Variants in CUX1 observed in about 807,000 individuals in gnomAD.
CUX1 encodes the protein protein CASP.
A neutral mutation model predicts 158.8 loss-of-function variants in CUX1; 31 were observed. The observed-to-expected ratio is 0.20, with a 90% CI of 0.15 to 0.26. The LOEUF is 0.26. Among genes scored for constraint, CUX1 ranks in the 10% least tolerant of loss-of-function variants. The pLI is 1.00. For synonymous variants in CUX1, 879 were observed against 862.1 expected (o/e 1.02, Z -0.34); for missense variants, 1,589 against 2,014.6 (o/e 0.79, Z 4.04).
intron 2 of CUX1, among the ~76,000 whole-genome samples, chr7:101,924,687 T>C (rs781507026): frequency 1.8e-4 from 28 of 151,618 alleles, no homozygotes; most frequent in Non-Finnish European, 3.8e-4. Flanking sequence ...CACCTCAGCC[T>C]CCCGAGTAGC....
intron 1 of CUX1, among the ~76,000 whole-genome samples, chr7:101,851,605 G>T (rs968880645): frequency 6.6e-6 from 1 of 152,122 alleles, no homozygotes; most frequent in South Asian, 2.1e-4. Context: ...TTGGCTCCCC[G>T]TTTTCTAGCA....
chr7:101,851,951 C>A (rs1796306908), intron 1 of CUX1, among the ~76,000 whole-genome samples: 1 of 151,890 alleles, frequency 6.6e-6, no homozygotes, highest in Non-Finnish European at 1.5e-5. Flanking sequence ...GCCTCAGCCT[C>A]CCCAGTAGCT....
At chr7:102,058,401 G>C (rs1057034507) in intron 3 of CUX1, among the ~76,000 whole-genome samples, 12 of 151,914 alleles carry the variant, frequency 7.9e-5, no homozygotes, top group Non-Finnish European at 1.3e-4. Flanking sequence ...AGCCTCCCGA[G>C]TAGCTGGAAT....
intron 3 of CUX1, among the ~76,000 whole-genome samples, chr7:102,060,815 T>C (rs1040551354): frequency 6.6e-6 from 1 of 151,576 alleles, no homozygotes; most frequent in Non-Finnish European, 1.5e-5. Context: ...GGTTTCACCA[T>C]GTTGGCCAGG....
At chr7:102,148,442 G>A (rs1434901988) in intron 8 of CUX1, among the ~76,000 whole-genome samples, 1 of 151,888 alleles carries the variant, frequency 6.6e-6, no homozygotes, top group African/African-American at 2.4e-5. Context: ...GGGAGGCTGG[G>A]GCATTCTCAA....
chr7:102,167,852 T>C (rs115187849), intron 9 of CUX1, among the ~76,000 whole-genome samples: 9,887 of 151,894 alleles, frequency 0.065, 438 homozygotes, highest in African/African-American at 0.12. Flanking sequence ...GGCCAAGGCA[T>C]GGATCACCTG....
intron 2 of CUX1, among the ~76,000 whole-genome samples, chr7:101,920,708 G>A (rs1804815244): frequency 6.6e-6 from 1 of 152,200 alleles, no homozygotes; most frequent in African/African-American, 2.4e-5. Context: ...AGATAAAATT[G>A]TATACGTTTT....
At chr7:102,003,696 G>A (rs1816989886) in intron 2 of CUX1, among the ~76,000 whole-genome samples, 2 of 152,186 alleles carry the variant, frequency 1.3e-5, no homozygotes, top group Non-Finnish European at 2.9e-5. Context: ...AGCCTCGTAG[G>A]TTGCTATGGG....
At chr7:102,151,727 C>CAAAAAAAAA (rs1159017025) in intron 8 of CUX1, among the ~76,000 whole-genome samples, 1 of 38,876 alleles carries the variant, frequency 2.6e-5, no homozygotes, top group Non-Finnish European at 4.5e-5. Flanking sequence ...GACTCTGTCT[C>CAAAAAAAAA]AAAAAAAAAA....
chr7:102,116,361 C>A (rs1554491793), intron 8 of CUX1, among the ~76,000 whole-genome samples: 2 of 152,144 alleles, frequency 1.3e-5, no homozygotes, highest in African/African-American at 4.8e-5. Context: ...ATGAAACTTA[C>A]AAAGACTAAA....
At chr7:102,236,078 C>A (rs560937316) in intron 22 of CUX1, among the ~76,000 whole-genome samples, 9 of 152,234 alleles carry the variant, frequency 5.9e-5, no homozygotes, top group Non-Finnish European at 1.2e-4. Flanking sequence ...CCAGGAAATA[C>A]GAACCTCGGT....
intron 1 of CUX1, among the ~76,000 whole-genome samples, chr7:101,873,633 G>C (rs993103755): frequency 2.0e-5 from 3 of 152,162 alleles, no homozygotes; most frequent in African/African-American, 4.8e-5. Context: ...TTGTGAGACA[G>C]AGTGCAGTGG....
At chr7:102,079,440 A>G (rs1176035108) in intron 4 of CUX1, among the ~76,000 whole-genome samples, 2 of 151,856 alleles carry the variant, frequency 1.3e-5, no homozygotes, top group South Asian at 2.1e-4. Context: ...TCTGTCTCAA[A>G]AAAAAAAAAA....
intron 5 of CUX1, among the ~76,000 whole-genome samples, chr7:102,098,695 G>A (rs529846293): frequency 1.2e-3 from 180 of 150,724 alleles, no homozygotes; most frequent in African/African-American, 4.3e-3. Context: ...AGGCTGGAGT[G>A]CAGTGCACGA....
chr7:102,279,481 C>T (rs955861875), intron 18 of CUX1, among the ~76,000 whole-genome samples: 3 of 152,218 alleles, frequency 2.0e-5, no homozygotes, highest in Admixed American at 1.3e-4. Context: ...TCTCAGCCCC[C>T]AGGCCTCCCA....
chr7:102,274,321 G>T, intron 16 of CUX1: 2 of 1,611,050 alleles, frequency 1.2e-6, no homozygotes, highest in Non-Finnish European at 8.5e-7. Flanking sequence ...GTAAGGAGAG[G>T]CCTGACCCAT....
intron 3 of CUX1, among the ~76,000 whole-genome samples, chr7:102,042,405 G>A (rs1044304577): frequency 2.0e-5 from 3 of 152,166 alleles, no homozygotes; most frequent in Admixed American, 1.3e-4. Context: ...CTTTCTCCTG[G>A]TAACAAGTTC....
chr7:102,201,088 G>A lies in CUX1; in HGVS notation c.2063-272G>A, dbSNP rs1313718925. On this transcript the variant is annotated intron_variant, in intron 17 of 23. Coordinates refer to ENST00000292535, the MANE Select transcript of CUX1 (RefSeq NM_181552.4). This position sits in a 1 kb window ranked among gnomAD's most constrained non-coding sequence, Gnocchi z 5.0. Reference sequence around the variant, plus strand: ...GAAAGGAGCCCCAGGAGGGCAGGTCGGGGAGCACTTTCACTGACACCCCCT... The same window carrying A: ...GAAAGGAGCCCCAGGAGGGCAGGTCAGGGAGCACTTTCACTGACACCCCCT... Among the ~76,000 whole-genome samples the A allele has an allele frequency of 3.3e-5, 5 of 150,276 alleles. No individual in the cohort carries two copies. The highest frequency in any genetic ancestry group is 2.1e-4 in the South Asian group (1 of 4,718).
At chr7:102,176,434 C>T (rs1792343311) in intron 10 of CUX1, among the ~76,000 whole-genome samples, 1 of 152,152 alleles carries the variant, frequency 6.6e-6, no homozygotes, top group South Asian at 2.1e-4. Context: ...TGAGCTGCCC[C>T]CAGGATTCGG....
Sources: gnomAD v4.1 joint callset for allele counts (sites outside exome capture counted in the v4.1 genomes callset) on GRCh38, gnomAD v4.1.1 for gene constraint, Gnocchi (gnomAD v3.1) non-coding constraint, MANE v1.5 for transcripts, NCBI Gene and HGNC (gene_info 2026-07-23, HGNC 2026-07-21) for gene names.